TRPM3: variants seen among roughly 807,000 people sequenced by gnomAD.
TRPM3 encodes the protein transient receptor potential cation channel subfamily M member 3.
Under a neutral mutation model 181.2 loss-of-function variants are expected in TRPM3, and 77 were observed. That is an observed-to-expected ratio of 0.42 (90% CI 0.35 to 0.51). The LOEUF is 0.51. Ranked by LOEUF, TRPM3 falls within the 20% of genes least tolerant of loss-of-function variation. The probability of loss-of-function intolerance (pLI) is 0.01; values close to 1 mark genes in which losing one functional copy is unlikely to be tolerated. For synonymous variants in TRPM3, 745 were observed against 796.4 expected (o/e 0.94, Z 1.09); for missense variants, 1,759 against 2,196.7 (o/e 0.80, Z 3.98).
intron 1 of TRPM3, among the ~76,000 whole-genome samples, chr9:70,978,314 T>C (rs1210101006): frequency 1.3e-5 from 2 of 152,230 alleles, no homozygotes; most frequent in Non-Finnish European, 1.5e-5. Flanking sequence ...TGACTGCTTA[T>C]ATATTTATGT....
At chr9:70,777,514 A>G (rs1983943) in intron 7 of TRPM3, among the ~76,000 whole-genome samples, 33,649 of 152,056 alleles carry the variant, frequency 0.22, 4,504 homozygotes, top group Non-Finnish European at 0.3. Context: ...TCTTAAATAC[A>G]TGGAGCTACT....
At chr9:70,642,434 G>A (rs1433982329) in intron 9 of TRPM3, among the ~76,000 whole-genome samples, 3 of 152,132 alleles carry the variant, frequency 2.0e-5, no homozygotes, top group Admixed American at 6.5e-5. Context: ...CTCTGGGTTC[G>A]CCAGCAGTCA....
At chr9:71,155,481 T>TTTTTA (rs10688191) in intron 1 of TRPM3, among the ~76,000 whole-genome samples, 26,689 of 128,636 alleles carry the variant, frequency 0.21, 3,185 homozygotes, top group Middle Eastern at 0.35. Flanking sequence ...ACCATGCTTA[T>TTTTTA]TTTTATTTTA....
chr9:71,428,234 G>A (rs1331739925), intron 1 of TRPM3, among the ~76,000 whole-genome samples: 1 of 150,820 alleles, frequency 6.6e-6, no homozygotes, highest in Non-Finnish European at 1.5e-5. Flanking sequence ...TGGGATTACA[G>A]GCGCCCGCCA....
At chr9:71,096,064 A>G (rs1304779973) in intron 1 of TRPM3, among the ~76,000 whole-genome samples, 1 of 152,094 alleles carries the variant, frequency 6.6e-6, no homozygotes, top group Non-Finnish European at 1.5e-5. Context: ...TTCAAATAAG[A>G]TATTTTCCAA....
intron 1 of TRPM3, among the ~76,000 whole-genome samples, chr9:70,938,718 C>A (rs768658180): frequency 2.1e-4 from 32 of 151,916 alleles, no homozygotes; most frequent in Non-Finnish European, 2.9e-5. Context: ...TTTGGGAGGC[C>A]GAGGTGGGTG....
chr9:71,159,103 T>TA (rs1328533212), intron 1 of TRPM3, among the ~76,000 whole-genome samples: 1,279 of 74,366 alleles, frequency 0.017, 19 homozygotes, highest in African/African-American at 0.064. Context: ...TATATATATA[T>TA]TTAGAGAGAG....
At chr9:71,343,144 T>C (rs911283339) in intron 1 of TRPM3, among the ~76,000 whole-genome samples, 2 of 152,024 alleles carry the variant, frequency 1.3e-5, no homozygotes, top group African/African-American at 4.8e-5. Flanking sequence ...AATGGACCCA[T>C]ACTTCCTTTA....
chr9:71,269,518 A>G (rs74879258), intron 1 of TRPM3, among the ~76,000 whole-genome samples: 1,643 of 152,354 alleles, frequency 0.011, 27 homozygotes, highest in East Asian at 0.074. Flanking sequence ...CTGGAGGTCA[A>G]AACTACTTTA....
rs112134192 is a variant in TRPM3 at position 71,240,046 on chromosome 9, G to A, written c.183+206607C>T. Among the ~76,000 whole-genome samples, 653 of 152,160 alleles carry A rather than the reference G, an allele frequency of 4.3e-3. 4 individuals carry two copies. The highest frequency in any genetic ancestry group is 8.2e-3 in the Non-Finnish European group (557 of 67,962). ...AGAATTTATTCGCTTGAAAGGTTTC[G>A]TTCTTTTGTCAAGGATTAACTAAAG... is the stretch of plus-strand genomic sequence containing the variant. On this transcript the variant is annotated intron_variant, in intron 1 of 24. Transcript: ENST00000357533.
At chr9:71,190,242 G>C (rs1231285183) in intron 1 of TRPM3, among the ~76,000 whole-genome samples, 1 of 151,862 alleles carries the variant, frequency 6.6e-6, no homozygotes, top group Non-Finnish European at 1.5e-5. Flanking sequence ...TTTGAGTTGA[G>C]ATCCGCAAGT....
At chr9:71,439,338 C>A (rs1401167515) in intron 1 of TRPM3, among the ~76,000 whole-genome samples, 1 of 152,188 alleles carries the variant, frequency 6.6e-6, no homozygotes, top group Non-Finnish European at 1.5e-5. Context: ...GTCTAGTCAA[C>A]ACCAATATTT....
At chr9:70,784,414 A>G in intron 6 of TRPM3, 135 bp from the exon 7 acceptor site, 2 of 991,682 alleles carry the variant, frequency 2.0e-6, no homozygotes, top group Non-Finnish European at 2.9e-6. Context: ...ATATGAAGGG[A>G]TATGGTACTG....
intron 6 of TRPM3, chr9:70,824,755 A>G (rs2093440855): frequency 6.6e-6 from 1 of 152,234 alleles, no homozygotes; most frequent in Non-Finnish European, 1.5e-5. Flanking sequence ...AGGAAGAACC[A>G]CAAAGTGTCC....
At chr9:71,144,983 AC>A (rs2075325984) in intron 1 of TRPM3, among the ~76,000 whole-genome samples, 1 of 152,166 alleles carries the variant, frequency 6.6e-6, no homozygotes, top group Non-Finnish European at 1.5e-5. Context: ...TAACCGTGTC[AC>A]CAGAAATATG....
At chr9:71,069,552 G>A (rs1007896596) in intron 1 of TRPM3, among the ~76,000 whole-genome samples, 5 of 152,102 alleles carry the variant, frequency 3.3e-5, no homozygotes, top group African/African-American at 7.2e-5. Context: ...GTGGCATGAC[G>A]GGGATAGATA....
intron 8 of TRPM3, among the ~76,000 whole-genome samples, chr9:70,690,535 T>A (rs1329387444): frequency 7.0e-6 from 1 of 141,914 alleles, no homozygotes; most frequent in African/African-American, 2.7e-5. Context: ...ATGAAATAAC[T>A]TTTTATTTAT....
chr9:70,912,659 A>T (rs2096549930), intron 1 of TRPM3, among the ~76,000 whole-genome samples: 1 of 152,196 alleles, frequency 6.6e-6, no homozygotes, highest in Admixed American at 6.5e-5. Flanking sequence ...GTGGATATTG[A>T]TCCTTAACAA....
chr9:71,051,598 G>A (rs931110132), intron 1 of TRPM3, among the ~76,000 whole-genome samples: 11 of 152,092 alleles, frequency 7.2e-5, no homozygotes, highest in South Asian at 6.2e-4. Context: ...AAATGGCGGC[G>A]GGGTGGGGGG....
Sources: allele counts gnomAD v4.1 joint callset (sites outside exome capture counted in the v4.1 genomes callset), GRCh38; gene constraint gnomAD v4.1.1; transcripts MANE v1.5; gene names NCBI Gene and HGNC (gene_info 2026-07-23, HGNC 2026-07-21).